RARB: variants seen among roughly 807,000 people sequenced by gnomAD.
The protein encoded by RARB is HBV-activated protein.
A neutral mutation model predicts 51.9 loss-of-function variants in RARB; 17 were observed. That is an observed-to-expected ratio of 0.33 (90% CI 0.22 to 0.49). The LOEUF (loss-of-function observed/expected upper bound fraction) is 0.49. Among genes scored for constraint, RARB ranks in the 20% least tolerant of loss-of-function variants. The pLI is 0.99. For synonymous variants in RARB, 215 were observed against 195.4 expected (o/e 1.10, Z -0.84); for missense variants, 369 against 550.8 (o/e 0.67, Z 3.30).
rs7623607 is a variant in RARB at position 24,875,154 on chromosome 3, T to C, written c.-380+16402T>C. The stretch of plus-strand genomic sequence containing the variant: ...AAAAAGATTTACATACAAGTCCTTT[T>C]GTTTTTTTCATTTTAAACTTTTGGA... On this transcript the variant is annotated intron_variant, in intron 2 of 11. Coordinates refer to the RARB transcript ENST00000383772. Among the ~76,000 whole-genome samples the C allele has an allele frequency of 9.2e-3, 1,407 of 152,274 alleles. 23 individuals carry two copies. The highest frequency in any genetic ancestry group is 0.032 in the African/African-American group (1,331 of 41,566).
At chr3:25,186,692 A>G (rs1700984287) in intron 5 of RARB, among the ~76,000 whole-genome samples, 1 of 152,160 alleles carries the variant, frequency 6.6e-6, no homozygotes. Context: ...CTTTAAGTGC[A>G]CATATAGGGT....
At chr3:25,195,527 T>C (rs935000882) in intron 5 of RARB, among the ~76,000 whole-genome samples, 2 of 152,050 alleles carry the variant, frequency 1.3e-5, no homozygotes, top group Non-Finnish European at 2.9e-5. Flanking sequence ...GGTGAATTCA[T>C]CACATCTTAT....
intron 2 of RARB, among the ~76,000 whole-genome samples, chr3:24,946,698 G>A (rs1695783522): frequency 6.6e-6 from 1 of 152,024 alleles, no homozygotes; most frequent in African/African-American, 2.4e-5. Context: ...GTGAGATCCT[G>A]TCTTTACAAA....
At chr3:25,545,371 G>T (rs758093315) in intron 3 of RARB, among the ~76,000 whole-genome samples, 2 of 152,158 alleles carry the variant, frequency 1.3e-5, no homozygotes, top group African/African-American at 2.4e-5. Context: ...AAGGTGCTCA[G>T]TGTGGCTTAG....
At chr3:24,935,513 C>T (rs534874731) in intron 2 of RARB, among the ~76,000 whole-genome samples, 18 of 152,242 alleles carry the variant, frequency 1.2e-4, no homozygotes, top group Non-Finnish European at 2.4e-4. Context: ...TATGATTTCA[C>T]AGCAGAAGTG....
At chr3:25,417,970 C>G (rs1385748116) in intron 5 of RARB, among the ~76,000 whole-genome samples, 3 of 152,202 alleles carry the variant, frequency 2.0e-5, no homozygotes, top group African/African-American at 7.2e-5. Flanking sequence ...TTGCCTCCCT[C>G]TGGGTTGCTG....
intron 1 of RARB, among the ~76,000 whole-genome samples, chr3:24,847,775 C>T (rs760463253): frequency 3.9e-5 from 6 of 152,202 alleles, no homozygotes; most frequent in African/African-American, 7.2e-5. Context: ...CAAGCTAATT[C>T]AGTACTTCTA....
chr3:25,450,619 G>A (rs1038397200), intron 1 of RARB, among the ~76,000 whole-genome samples: 1 of 152,088 alleles, frequency 6.6e-6, no homozygotes, highest in Non-Finnish European at 1.5e-5. Context: ...CTATAATTGG[G>A]GCCAGATAAT....
At chr3:25,244,865 C>T (rs1051105755) in intron 5 of RARB, among the ~76,000 whole-genome samples, 1 of 152,118 alleles carries the variant, frequency 6.6e-6, no homozygotes, top group Non-Finnish European at 1.5e-5. Context: ...CCCAAATATC[C>T]TTGTTAATTT....
At chr3:24,861,658 T>A (rs1702750652) in intron 2 of RARB, among the ~76,000 whole-genome samples, 3 of 151,610 alleles carry the variant, frequency 2.0e-5, no homozygotes, top group Admixed American at 1.3e-4. Flanking sequence ...GTGGAAGATT[T>A]CCCCCACAGT....
chr3:25,581,038 C>T (rs1261305002), intron 5 of RARB, among the ~76,000 whole-genome samples: 1 of 152,154 alleles, frequency 6.6e-6, no homozygotes, highest in Admixed American at 6.5e-5. Context: ...AAAATCATCA[C>T]ATATGCTCTC....
intron 5 of RARB, among the ~76,000 whole-genome samples, chr3:25,403,908 A>AAAT (rs1343422514): frequency 3.4e-5 from 5 of 149,134 alleles, no homozygotes; most frequent in Non-Finnish European, 7.4e-5. Context: ...AAAAAAAAAA[A>AAAT]TTGAGTATTT....
chr3:25,277,111 CT>C, intron 5 of RARB, among the ~76,000 whole-genome samples: 1 of 152,234 alleles, frequency 6.6e-6, no homozygotes, highest in African/African-American at 2.4e-5. Context: ...GAAAAGTTAG[CT>C]AACTATTTAT....
chr3:25,263,636 C>T (rs960560699), intron 5 of RARB, among the ~76,000 whole-genome samples: 9 of 152,274 alleles, frequency 5.9e-5, no homozygotes, highest in Admixed American at 2.6e-4. Flanking sequence ...AAAAATGAGC[C>T]ATGTATTGTC....
chr3:25,536,726 G>A (rs1699157021), intron 3 of RARB, among the ~76,000 whole-genome samples: 1 of 152,166 alleles, frequency 6.6e-6, no homozygotes, highest in Admixed American at 6.5e-5. Context: ...AATGCAGCTG[G>A]GCGTTTCTGG....
In RARB at chr3:25,590,048, G is replaced by A. The variant is rs572267098; in HGVS notation, c.787-3455G>A. Among the ~76,000 whole-genome samples, 8 of 152,342 alleles carry A rather than the reference G, an allele frequency of 5.3e-5. No individual in the cohort carries two copies. In the East Asian group the frequency reaches 9.7e-4, roughly 18 times the overall value. ...GGCCATCCTGTTTCAGGCTGGGGCCGGGGCAGGGAAGGGAGGCTCCTCAGA... is the reference window on the plus strand; with the variant it reads ...GGCCATCCTGTTTCAGGCTGGGGCCAGGGCAGGGAAGGGAGGCTCCTCAGA... On this transcript the variant is annotated intron_variant, in intron 5 of 7. Transcript: ENST00000330688.
chr3:25,200,718 T>C (rs1251166374), intron 5 of RARB, among the ~76,000 whole-genome samples: 1 of 152,076 alleles, frequency 6.6e-6, no homozygotes, highest in Non-Finnish European at 1.5e-5. Flanking sequence ...CCATTGCTTG[T>C]TTTTCTCAGG....
chr3:25,092,521 G>A lies in RARB; in HGVS notation c.-328+32345G>A, dbSNP rs12330378. Among the ~76,000 whole-genome samples, 782 of 152,068 alleles carry A rather than the reference G, an allele frequency of 5.1e-3. 9 individuals carry two copies. The highest frequency in any genetic ancestry group is 0.018 in the African/African-American group (757 of 41,502). On this transcript the variant is annotated intron_variant, in intron 3 of 11. Coordinates refer to the RARB transcript ENST00000383772. ...TTCCTAATACTACCTTTCATGGTGTGCCTGTAAAGTATACAATAACTGTTA... is the reference window on the plus strand; with the variant it reads ...TTCCTAATACTACCTTTCATGGTGTACCTGTAAAGTATACAATAACTGTTA...
intron 3 of RARB, among the ~76,000 whole-genome samples, chr3:25,118,382 A>T (rs978552440): frequency 6.6e-6 from 1 of 152,138 alleles, no homozygotes; most frequent in Non-Finnish European, 1.5e-5. Context: ...TGGAATGTGG[A>T]GTATCTCTTT....
Sources: gnomAD v4.1 joint callset for allele counts (sites outside exome capture counted in the v4.1 genomes callset) on GRCh38, gnomAD v4.1.1 for gene constraint, MANE v1.5 for transcripts, NCBI Gene and HGNC (gene_info 2026-07-23, HGNC 2026-07-21) for gene names.